Variants in CDH12 observed in about 807,000 individuals in gnomAD.
CDH12 encodes the protein cadherin 12.
Under a neutral mutation model 74.1 loss-of-function variants are expected in CDH12, and 41 were observed. The ratio of observed to expected loss-of-function variants is 0.55; its 90% CI spans 0.43 to 0.72. CDH12 has a LOEUF of 0.72. Ranked by LOEUF, CDH12 falls within the 30% of genes least tolerant of loss-of-function variation. The pLI is 0.00. For synonymous variants in CDH12, 399 were observed against 355.0 expected, an observed-to-expected ratio of 1.12 and a Z score of -1.39; for missense variants, 945 against 977.2, an observed-to-expected ratio of 0.97 and a Z score of 0.44.
chr5:22,557,010 AC>A (rs1364786979), intron 1 of CDH12, among the ~76,000 whole-genome samples: 28 of 152,086 alleles, frequency 1.8e-4, no homozygotes, highest in African/African-American at 5.5e-4. Flanking sequence ...ACCCTCCAGT[AC>A]TTTTCTACTA....
intron 2 of CDH12, among the ~76,000 whole-genome samples, chr5:22,470,861 C>T (rs916715392): frequency 4.0e-5 from 2 of 50,444 alleles, no homozygotes; most frequent in African/African-American, 1.6e-4. Flanking sequence ...AAAACCTTAG[C>T]GCTTTTTTTT....
intron 1 of CDH12, among the ~76,000 whole-genome samples, chr5:22,787,315 G>A (rs909107346): frequency 2.6e-5 from 4 of 151,792 alleles, no homozygotes; most frequent in African/African-American, 9.7e-5. Flanking sequence ...TAAACTAAAG[G>A]CACACTTGTA....
chr5:22,495,776 TTA>T (rs148787068), intron 2 of CDH12, among the ~76,000 whole-genome samples: 142,848 of 152,080 alleles, frequency 0.94, 67,183 homozygotes, highest in Admixed American at 0.97. Flanking sequence ...AGAAGAAATA[TTA>T]ACTGAGTATG....
intron 11 of CDH12, among the ~76,000 whole-genome samples, chr5:21,772,085 T>A (rs1745352752): frequency 6.6e-6 from 1 of 151,790 alleles, no homozygotes; most frequent in South Asian, 2.1e-4. Context: ...TACTTTGGAA[T>A]CCTCTTGGTT....
chr5:22,470,950 T>C (rs1158193384), intron 2 of CDH12, among the ~76,000 whole-genome samples: 2 of 151,876 alleles, frequency 1.3e-5, no homozygotes, highest in Non-Finnish European at 2.9e-5. Flanking sequence ...ATGATCATGG[T>C]GAATATTCTT....
At chr5:21,756,535 T>C (rs1024463520) in intron 13 of CDH12, among the ~76,000 whole-genome samples, 5 of 152,152 alleles carry the variant, frequency 3.3e-5, no homozygotes, top group African/African-American at 1.2e-4. Flanking sequence ...TGTGAGACAA[T>C]AAAAATTACT....
At chr5:22,735,076 C>A (rs2127008824) in intron 1 of CDH12, among the ~76,000 whole-genome samples, 1 of 151,950 alleles carries the variant, frequency 6.6e-6, no homozygotes, top group East Asian at 1.9e-4. Context: ...GCTGAATCTG[C>A]AATTTATAAG....
intron 1 of CDH12, among the ~76,000 whole-genome samples, chr5:22,655,169 A>G (rs1327562433): frequency 6.6e-6 from 1 of 152,160 alleles, no homozygotes; most frequent in Non-Finnish European, 1.5e-5. Flanking sequence ...AATACATCTT[A>G]ACTCAATCTA....
intron 1 of CDH12, among the ~76,000 whole-genome samples, chr5:22,768,184 C>T (rs189745156): frequency 5.3e-4 from 81 of 152,126 alleles, no homozygotes; most frequent in Middle Eastern, 3.4e-3. Flanking sequence ...GAATTCATAA[C>T]ATCTATTTTC....
At chr5:22,027,608 G>A (rs941796161) in intron 5 of CDH12, among the ~76,000 whole-genome samples, 15 of 152,144 alleles carry the variant, frequency 9.9e-5, no homozygotes, top group Non-Finnish European at 1.3e-4. Flanking sequence ...GCGTAGAGGT[G>A]TTTGTAGTAT....
intron 3 of CDH12, among the ~76,000 whole-genome samples, chr5:22,229,000 A>T (rs1458362217): frequency 1.3e-5 from 2 of 152,132 alleles, no homozygotes; most frequent in Non-Finnish European, 2.9e-5. Flanking sequence ...TAATTGTTCA[A>T]GTGAGTAGAT....
At chr5:22,823,580 C>T (rs1749841017) in intron 1 of CDH12, among the ~76,000 whole-genome samples, 1 of 152,014 alleles carries the variant, frequency 6.6e-6, no homozygotes, top group African/African-American at 2.4e-5. Context: ...TGAAAACATA[C>T]TAATACAAAT....
Position 22,362,450 on chromosome 5 carries a change from T to C in CDH12, c.-333+42807A>G, listed in dbSNP as rs1459693063. Among the ~76,000 whole-genome samples the C allele has an allele frequency of 2.0e-5, 3 of 152,252 alleles. No homozygotes were observed. In the East Asian group the frequency reaches 5.8e-4, roughly 29 times the overall value. On this transcript the variant is annotated intron_variant, in intron 3 of 14. Transcript: ENST00000382254. ...GAAACATCAGGTGCTAGAGAGGATG[T>C]GGAGAAATAGGAACACTTTTACACT...
At chr5:22,460,501 T>C (rs142520741) in intron 2 of CDH12, among the ~76,000 whole-genome samples, 1 of 152,300 alleles carries the variant, frequency 6.6e-6, no homozygotes, top group African/African-American at 2.4e-5. Flanking sequence ...ATCCAAACTT[T>C]GGAGGTGTGG....
At chr5:21,906,515 A>G (rs1753647479) in intron 6 of CDH12, among the ~76,000 whole-genome samples, 1 of 152,206 alleles carries the variant, frequency 6.6e-6, no homozygotes, top group South Asian at 2.1e-4. Flanking sequence ...AATAATAATC[A>G]CAGTTGAGTC....
chr5:22,802,119 ATTTTT>A (rs397883677), intron 1 of CDH12, among the ~76,000 whole-genome samples: 1 of 123,558 alleles, frequency 8.1e-6, no homozygotes. Flanking sequence ...TTAAATTCGT[ATTTTT>A]TTTTTTTTTT....
chr5:22,468,575 A>G (rs1266595787), intron 2 of CDH12, among the ~76,000 whole-genome samples: 1 of 152,140 alleles, frequency 6.6e-6, no homozygotes, highest in African/African-American at 2.4e-5. Context: ...TGACTTTTAT[A>G]AAAACATTGT....
intron 3 of CDH12, among the ~76,000 whole-genome samples, chr5:22,330,181 G>A (rs974056243): frequency 1.4e-4 from 22 of 152,096 alleles, no homozygotes; most frequent in African/African-American, 5.1e-4. Flanking sequence ...AGTAGGATAG[G>A]GCACCAGGCA....
At chr5:21,956,848 G>A (rs1364159336) in intron 6 of CDH12, among the ~76,000 whole-genome samples, 1 of 151,806 alleles carries the variant, frequency 6.6e-6, no homozygotes, top group Non-Finnish European at 1.5e-5. Flanking sequence ...TTTCCCCCAA[G>A]TAATTGAAAA....
Sources: gnomAD v4.1 joint callset for allele counts (sites outside exome capture counted in the v4.1 genomes callset) on GRCh38, gnomAD v4.1.1 for gene constraint, MANE v1.5 for transcripts, NCBI Gene and HGNC (gene_info 2026-07-23, HGNC 2026-07-21) for gene names.